The following SLC39A10 variants were observed in gnomAD, a reference collection of about 807,000 sequenced individuals.
The protein encoded by SLC39A10 is solute carrier family 39 member 10, also known as zinc transporter ZIP10.
Under a neutral mutation model 65.1 loss-of-function variants are expected in SLC39A10, and 13 were observed. That is an observed-to-expected ratio of 0.20 (90% CI 0.13 to 0.32). SLC39A10 has a LOEUF of 0.32. Ranked by LOEUF, SLC39A10 falls within the 10% of genes least tolerant of loss-of-function variation. SLC39A10 has a pLI of 1.00. For missense variants in SLC39A10, 831 were observed against 1,018.4 expected (o/e 0.82, Z 2.50); for synonymous variants, 321 against 342.2 (o/e 0.94, Z 0.68).
chr2:195,672,703 G>T (rs937063211), intron 1 of SLC39A10, among the ~76,000 whole-genome samples: 6 of 152,144 alleles, frequency 3.9e-5, no homozygotes, highest in African/African-American at 1.2e-4. Flanking sequence ...CAGCTTTTGT[G>T]TTTCGTGGAG....
chr2:195,657,337 G>A (rs988513405), intron 1 of SLC39A10, 56 bp downstream of exon 1: 5 of 966,700 alleles, frequency 5.2e-6, no homozygotes, highest in Non-Finnish European at 6.2e-6. Flanking sequence ...GGCCCCGTGC[G>A]CGGCGGAGAC....
At chr2:195,676,910 T>C (rs1559028589) in intron 1 of SLC39A10, among the ~76,000 whole-genome samples, 1 of 152,230 alleles carries the variant, frequency 6.6e-6, no homozygotes. Flanking sequence ...TTCATGTAGA[T>C]GATGTGTTTC....
At chr2:195,624,631 T>G (rs2105690388) in intron 2 of SLC39A10, among the ~76,000 whole-genome samples, 1 of 151,848 alleles carries the variant, frequency 6.6e-6, no homozygotes, top group South Asian at 2.1e-4. Context: ...TCCCAGCACT[T>G]TGGGAAGCCG....
intron 1 of SLC39A10, among the ~76,000 whole-genome samples, chr2:195,675,492 G>C (rs1056253789): frequency 3.3e-5 from 5 of 152,208 alleles, no homozygotes; most frequent in Admixed American, 6.5e-5. Context: ...CTGGAGTGCA[G>C]TGGCGTGATC....
chr2:195,666,433 A>AG (rs1420570386), intron 1 of SLC39A10, among the ~76,000 whole-genome samples: 2 of 152,212 alleles, frequency 1.3e-5, no homozygotes, highest in African/African-American at 4.8e-5. Flanking sequence ...GAGGTAGTGC[A>AG]GCAGTAGCTA....
intron 2 of SLC39A10, among the ~76,000 whole-genome samples, chr2:195,630,478 G>A (rs1688564300): frequency 6.6e-6 from 1 of 152,140 alleles, no homozygotes; most frequent in South Asian, 2.1e-4. Context: ...GAAGCTTCAG[G>A]ACATCAGCAC....
intron 2 of SLC39A10, among the ~76,000 whole-genome samples, chr2:195,617,101 A>G (rs1688232659): frequency 6.6e-6 from 1 of 152,204 alleles, no homozygotes; most frequent in Non-Finnish European, 1.5e-5. Context: ...CTCCAAGACT[A>G]TAAATGAATT....
chr2:195,704,778 CT>C (rs775503275), intron 3 of SLC39A10, among the ~76,000 whole-genome samples: 11 of 150,914 alleles, frequency 7.3e-5, no homozygotes, highest in Non-Finnish European at 1.3e-4. Flanking sequence ...ACCCCTGCCC[CT>C]GTGTTTTTTT....
intron 4 of SLC39A10, 37 bp downstream of exon 4, chr2:195,706,822 T>C (rs762452358): frequency 5.1e-6 from 7 of 1,385,964 alleles, no homozygotes; most frequent in African/African-American, 4.5e-5. Flanking sequence ...AAATTTAAAA[T>C]AAAAATATTT....
At chr2:195,656,561 G>T (rs534439545), upstream of SLC39A10, among the ~76,000 whole-genome samples, 51 of 152,144 alleles carry the variant, frequency 3.4e-4, no homozygotes, top group Non-Finnish European at 6.5e-4. Flanking sequence ...TTTCTTTTAG[G>T]TTTGGAAGAC....
At chr2:195,652,672 AC>A (rs71015714), upstream of SLC39A10, among the ~76,000 whole-genome samples, 93,583 of 151,336 alleles carry the variant, frequency 0.62, 29,491 homozygotes, top group Non-Finnish European at 0.69. Context: ...TGTGTTTCTT[AC>A]CAGACTTTAA....
In SLC39A10 at chr2:195,716,987, A is replaced by G; in HGVS notation, c.2047A>G (p.Ser683Gly). 1.9e-6 allele frequency: 3 copies of G among 1,613,838 alleles called. No individual in the cohort carries two copies. The highest frequency in any genetic ancestry group is 2.2e-5 in the South Asian group (2 of 91,028). ...CATGGGGGATGGCATCCACAACTTC[A>G]GTGATGGGCTCGCAATTGGTAAGTG... ...VIMGDGIHNF[S>G]DGLAIGAAFS... Residue 683 changes from serine (S) to glycine (G), a missense_variant, in exon 7 of 10, where the codon AGT becomes GGT. Transcript: ENST00000359634.
intron 2 of SLC39A10, among the ~76,000 whole-genome samples, chr2:195,651,099 G>T (rs1007799486): frequency 2.0e-5 from 3 of 150,582 alleles, no homozygotes; most frequent in Admixed American, 6.6e-5. Flanking sequence ...TTTTTATTTA[G>T]AAAGGAGTAT....
At chr2:195,676,433 C>T (rs1466572519) in intron 1 of SLC39A10, among the ~76,000 whole-genome samples, 1 of 151,644 alleles carries the variant, frequency 6.6e-6, no homozygotes, top group East Asian at 1.9e-4. Context: ...AAATTTTCAT[C>T]ATGATATGTG....
chr2:195,640,310 T>C (rs191475164), intron 2 of SLC39A10, among the ~76,000 whole-genome samples: 1 of 147,234 alleles, frequency 6.8e-6, no homozygotes, highest in Admixed American at 6.9e-5. Context: ...AAGCCCTGCC[T>C]ATGCCATGAA....
intron 2 of SLC39A10, among the ~76,000 whole-genome samples, chr2:195,622,695 G>A (rs954527046): frequency 6.6e-6 from 1 of 152,164 alleles, no homozygotes; most frequent in African/African-American, 2.4e-5. Flanking sequence ...TTTGAGGGCC[G>A]GGCGCGGTGG....
At chr2:195,623,901 CCACACACACACACACACA>C (rs67959883) in intron 2 of SLC39A10, among the ~76,000 whole-genome samples, 11 of 142,960 alleles carry the variant, frequency 7.7e-5, no homozygotes, top group Non-Finnish European at 1.2e-4. Flanking sequence ...AAACAAAAAA[CCACACACACACACACACA>C]CACACACACA....
chr2:195,727,458 C>T (rs556339087), intron 8 of SLC39A10, among the ~76,000 whole-genome samples: 17 of 151,842 alleles, frequency 1.1e-4, no homozygotes, highest in Middle Eastern at 3.2e-3. Flanking sequence ...TGTAGAAGCA[C>T]GGAAAAGTGG....
chr2:195,647,960 G>T (rs1688959357), intron 2 of SLC39A10, among the ~76,000 whole-genome samples: 1 of 152,088 alleles, frequency 6.6e-6, no homozygotes, highest in South Asian at 2.1e-4. Flanking sequence ...AAAAGTAAAT[G>T]TACCTTTAAT....
Sources: allele counts gnomAD v4.1 joint callset (sites outside exome capture counted in the v4.1 genomes callset), GRCh38; gene constraint gnomAD v4.1.1; transcripts MANE v1.5; gene names NCBI Gene and HGNC (gene_info 2026-07-23, HGNC 2026-07-21).